GRM7: variants seen among roughly 807,000 people sequenced by gnomAD.
The protein encoded by GRM7 is glutamate metabotropic receptor 7, also known as metabotropic glutamate receptor 7.
A neutral mutation model predicts 84.5 loss-of-function variants in GRM7; 35 were observed. That is an observed-to-expected ratio of 0.41 (90% CI 0.32 to 0.55). The LOEUF (loss-of-function observed/expected upper bound fraction) is 0.55. Ranked by LOEUF, GRM7 falls within the 20% of genes least tolerant of loss-of-function variation. GRM7 has a pLI of 0.19. For synonymous variants in GRM7, 487 were observed against 455.1 expected (o/e 1.07, Z -0.89); for missense variants, 1,003 against 1,194.6 (o/e 0.84, Z 2.36).
chr3:7,168,858 C>T (rs1322787811), intron 2 of GRM7, among the ~76,000 whole-genome samples: 1 of 152,070 alleles, frequency 6.6e-6, no homozygotes, highest in African/African-American at 2.4e-5. Flanking sequence ...TGATATTCAC[C>T]ATATAGAGGA....
chr3:6,895,918 C>A (rs989946310), intron 1 of GRM7, among the ~76,000 whole-genome samples: 3 of 151,826 alleles, frequency 2.0e-5, no homozygotes, highest in African/African-American at 4.8e-5. Flanking sequence ...GAGGTGCAGA[C>A]GACATTGAGA....
chr3:7,028,945 T>A (rs1696080569), intron 1 of GRM7, among the ~76,000 whole-genome samples: 1 of 152,178 alleles, frequency 6.6e-6, no homozygotes, highest in African/African-American at 2.4e-5. Flanking sequence ...CTGTTGGGAA[T>A]GTAAAATGGT....
chr3:7,249,216 C>G (rs1451131312), intron 2 of GRM7, among the ~76,000 whole-genome samples: 1 of 152,084 alleles, frequency 6.6e-6, no homozygotes, highest in Non-Finnish European at 1.5e-5. Context: ...ATTAATTATA[C>G]CTTTTCAGGA....
intron 8 of GRM7, among the ~76,000 whole-genome samples, chr3:7,667,951 G>A (rs975059744): frequency 6.6e-6 from 1 of 151,926 alleles, no homozygotes; most frequent in South Asian, 2.1e-4. Context: ...AGACAATTAG[G>A]TGCTAACCTG....
chr3:7,724,328 ACT>A (rs1212660235), intron 9 of GRM7, among the ~76,000 whole-genome samples: 8 of 152,000 alleles, frequency 5.3e-5, no homozygotes, highest in African/African-American at 1.9e-4. Context: ...TTTCTAGTGT[ACT>A]CTTTCATTTA....
chr3:7,502,520 AAAAAT>A (rs1452000022), intron 7 of GRM7, among the ~76,000 whole-genome samples: 1 of 152,170 alleles, frequency 6.6e-6, no homozygotes, highest in Non-Finnish European at 1.5e-5. Flanking sequence ...AACTGGCAAA[AAAAAT>A]AAAAGCATAA....
In GRM7 at chr3:7,204,211, G is replaced by T. The variant is rs74968366; in HGVS notation, c.736+57543G>T. Among the ~76,000 whole-genome samples, 261 of 152,302 alleles carry T rather than the reference G, an allele frequency of 1.7e-3. 6 individuals are homozygous for T. In the East Asian group the frequency reaches 0.042, roughly 25 times the overall value. ...CGAACATGTGGCAGCCTAATTGTCAGACAGAAAGACAATGGTTGTGGGAAA... is the reference window on the plus strand; with the variant it reads ...CGAACATGTGGCAGCCTAATTGTCATACAGAAAGACAATGGTTGTGGGAAA... On this transcript the variant is annotated intron_variant, in intron 2 of 9. Coordinates refer to ENST00000357716, the MANE Select transcript of GRM7 (RefSeq NM_000844.4).
chr3:7,078,682 T>C (rs1698175434), intron 1 of GRM7, among the ~76,000 whole-genome samples: 1 of 152,010 alleles, frequency 6.6e-6, no homozygotes, highest in Admixed American at 6.6e-5. Flanking sequence ...ATTCATGGAG[T>C]GACAGGAGCT....
At chr3:6,916,720 C>T (rs1696953652) in intron 1 of GRM7, among the ~76,000 whole-genome samples, 1 of 152,092 alleles carries the variant, frequency 6.6e-6, no homozygotes, top group Admixed American at 6.6e-5. Context: ...ACCTATTGGA[C>T]TGGTGATTCG....
At chr3:7,207,603 G>T (rs530917806) in intron 2 of GRM7, among the ~76,000 whole-genome samples, 2 of 152,274 alleles carry the variant, frequency 1.3e-5, no homozygotes, top group South Asian at 4.2e-4. Context: ...GGAGAGAGAA[G>T]CAAAGGGCTA....
intron 1 of GRM7, among the ~76,000 whole-genome samples, chr3:7,054,770 G>A (rs1030730056): frequency 2.7e-5 from 4 of 150,344 alleles, no homozygotes; most frequent in South Asian, 2.1e-4. Context: ...TCTACCCATC[G>A]TTCTCCTCTT....
intron 7 of GRM7, among the ~76,000 whole-genome samples, chr3:7,563,904 G>C (rs991355830): frequency 6.6e-6 from 1 of 152,202 alleles, no homozygotes; most frequent in Admixed American, 6.5e-5. Context: ...AAACACCACT[G>C]ATGTGGTCTC....
chr3:7,028,069 T>C (rs193229791), intron 1 of GRM7, among the ~76,000 whole-genome samples: 1 of 152,324 alleles, frequency 6.6e-6, no homozygotes, highest in Non-Finnish European at 1.5e-5. Context: ...ACTACCTGTT[T>C]TTCCTGTTTC....
At chr3:7,621,579 C>G (rs1697359032) in intron 8 of GRM7, among the ~76,000 whole-genome samples, 1 of 152,112 alleles carries the variant, frequency 6.6e-6, no homozygotes. Context: ...CTTTCTTACC[C>G]ATATCCAGTT....
At chr3:7,157,575 C>G (rs559370922) in intron 2 of GRM7, among the ~76,000 whole-genome samples, 1 of 152,020 alleles carries the variant, frequency 6.6e-6, no homozygotes, top group East Asian at 1.9e-4. Flanking sequence ...GAGGACTGTT[C>G]AAGCTACTAG....
intron 5 of GRM7, among the ~76,000 whole-genome samples, chr3:7,435,579 C>G: frequency 6.6e-6 from 1 of 151,938 alleles, no homozygotes; most frequent in Non-Finnish European, 1.5e-5. Flanking sequence ...ATGGCACGAT[C>G]TCAGCTCGCT....
intron 2 of GRM7, among the ~76,000 whole-genome samples, chr3:7,201,245 T>C (rs1005748032): frequency 6.6e-6 from 1 of 152,100 alleles, no homozygotes; most frequent in Admixed American, 6.6e-5. Flanking sequence ...TTTAGAATAT[T>C]GAGTTTCAGG....
chr3:7,448,833 G>A (rs554530450), intron 5 of GRM7, among the ~76,000 whole-genome samples: 42 of 151,692 alleles, frequency 2.8e-4, no homozygotes, highest in Non-Finnish European at 5.9e-4. Context: ...ATTTTTCAAG[G>A]CATTCTCTCC....
intron 1 of GRM7, among the ~76,000 whole-genome samples, chr3:7,032,911 AC>A (rs1387316599): frequency 3.9e-5 from 6 of 152,100 alleles, no homozygotes; most frequent in Non-Finnish European, 5.9e-5. Context: ...CCTTTAACTT[AC>A]CCCCTTCTAT....
Sources: gnomAD v4.1 joint callset for allele counts (sites outside exome capture counted in the v4.1 genomes callset) on GRCh38, gnomAD v4.1.1 for gene constraint, MANE v1.5 for transcripts, NCBI Gene and HGNC (gene_info 2026-07-23, HGNC 2026-07-21) for gene names.